Variants in PCDHGB2 observed in about 807,000 individuals in gnomAD.
PCDHGB2 encodes the protein protocadherin gamma-B2.
PCDHGB2 carries 55 observed loss-of-function variants against 59.3 expected under a neutral mutation model. That is an observed-to-expected ratio of 0.93 (90% CI 0.75 to 1.16). PCDHGB2 has a LOEUF of 1.16. Ranked by LOEUF, PCDHGB2 falls within the 50% of genes most tolerant of loss-of-function variation. The pLI is 0.00. For missense variants in PCDHGB2, 1,228 were observed against 1,198.5 expected (o/e 1.02, Z -0.36); for synonymous variants, 516 against 512.0 (o/e 1.01, Z -0.11).
chr5:141,475,984 G>C (rs1282216343), intron 1 of PCDHGB2: 1 of 1,069,308 alleles, frequency 9.4e-7, no homozygotes, highest in Non-Finnish European at 1.3e-6. Flanking sequence ...AACAGCCGGC[G>C]AGCAAATCAA....
At chr5:141,428,175 G>A (rs766332920) in intron 1 of PCDHGB2, 20 of 1,508,456 alleles carry the variant, frequency 1.3e-5, no homozygotes, top group Non-Finnish European at 1.8e-5. Flanking sequence ...GTGCGTGACG[G>A]AGGACAGCCG....
intron 1 of PCDHGB2, chr5:141,372,410 A>C: frequency 6.2e-7 from 1 of 1,613,980 alleles, no homozygotes; most frequent in South Asian, 1.1e-5. Context: ...AAGAGATACA[A>C]CCTGACCTTA....
chr5:141,415,977 C>A (rs1479258110), intron 1 of PCDHGB2: 2 of 354,488 alleles, frequency 5.6e-6, no homozygotes, highest in Non-Finnish European at 9.4e-6. Context: ...CCTTAAGCAA[C>A]CCTCTTGTTC....
chr5:141,510,709 CAGTGAGTAAGGAA>C (rs1452833908), intron 3 of PCDHGB2, among the ~76,000 whole-genome samples: 7 of 152,168 alleles, frequency 4.6e-5, no homozygotes, highest in Admixed American at 4.6e-4. Flanking sequence ...CCCAGGATCA[CAGTGAGTAAGGAA>C]AGGAGCTAGG....
chr5:141,444,238 C>T (rs1011385887), intron 1 of PCDHGB2, among the ~76,000 whole-genome samples: 6 of 125,052 alleles, frequency 4.8e-5, no homozygotes, highest in Non-Finnish European at 9.4e-5. Context: ...ATGGCATGCT[C>T]TCGGCTCACT....
intron 1 of PCDHGB2, chr5:141,418,513 G>T (rs377653202): frequency 1.1e-4 from 173 of 1,613,842 alleles, no homozygotes; most frequent in Non-Finnish European, 1.2e-4. Flanking sequence ...TAGATGGTGG[G>T]GACCCTCCCC....
At chr5:141,416,014 A>G (rs1258459397) in intron 1 of PCDHGB2, 1 of 228,504 alleles carries the variant, frequency 4.4e-6, no homozygotes, top group African/African-American at 2.3e-5. Flanking sequence ...AAGAATAGGT[A>G]AGTATCAGAA....
At chr5:141,409,039 C>A (rs2095214342) in intron 1 of PCDHGB2, 1 of 1,614,004 alleles carries the variant, frequency 6.2e-7, no homozygotes, top group Non-Finnish European at 8.5e-7. Flanking sequence ...AGATAAACTA[C>A]TACTTCCGAA....
chr5:141,415,905 C>T (rs1278855649), intron 1 of PCDHGB2: 5 of 801,160 alleles, frequency 6.2e-6, no homozygotes, highest in Non-Finnish European at 8.6e-6. Context: ...GACAGACTTC[C>T]ATACAGAAGT....
chr5:141,418,452 A>C (rs2096259372), intron 1 of PCDHGB2: 5 of 1,614,024 alleles, frequency 3.1e-6, no homozygotes, highest in Non-Finnish European at 4.2e-6. Context: ...GTATTGCAGA[A>C]GACTCTGGAC....
chr5:141,375,941 G>T, intron 1 of PCDHGB2: 1 of 1,613,580 alleles, frequency 6.2e-7, no homozygotes, highest in South Asian at 1.1e-5. Flanking sequence ...TTTCTCAGTG[G>T]GCCTGCACAC....
intron 1 of PCDHGB2, among the ~76,000 whole-genome samples, chr5:141,450,304 T>C (rs759506660): frequency 1.3e-5 from 2 of 151,906 alleles, no homozygotes; most frequent in African/African-American, 2.4e-5. Flanking sequence ...TGAGCCACCA[T>C]GTGTGGCCTA....
intron 1 of PCDHGB2, among the ~76,000 whole-genome samples, chr5:141,465,205 G>A (rs1460694369): frequency 6.6e-6 from 1 of 151,892 alleles, no homozygotes; most frequent in Admixed American, 6.6e-5. Flanking sequence ...AAAAATATAA[G>A]CTTTATTTTT....
In PCDHGB2 at chr5:141,362,558, T is replaced by G. The variant is rs1762565840; in HGVS notation, c.2421+2T>G. ...TTTGCCTCAGATACTATTTTGAAGG[T>G]GAGCTTTAATTAATTTATTTTCACT... On this transcript the variant is annotated splice_donor_variant, in intron 1 of 3. Transcript: ENST00000522605. LOFTEE classifies it high-confidence loss of function. 4 of 1,611,392 alleles carry G rather than the reference T, an allele frequency of 2.5e-6. No homozygotes were observed. The Middle Eastern group carries it at 5.0e-4, about 200-fold the overall frequency.
At chr5:141,370,847 A>G (rs372882282) in intron 1 of PCDHGB2, 2 of 1,614,046 alleles carry the variant, frequency 1.2e-6, no homozygotes, top group Non-Finnish European at 1.7e-6. Flanking sequence ...CTGGAGCCAC[A>G]TTTGCCCTGG....
intron 1 of PCDHGB2, among the ~76,000 whole-genome samples, chr5:141,459,546 C>T (rs575349914): frequency 9.9e-5 from 15 of 152,102 alleles, no homozygotes; most frequent in African/African-American, 3.6e-4. Flanking sequence ...TTTTTTATTT[C>T]TCTTGGATAA....
chr5:141,404,043 C>G (rs781644500), intron 1 of PCDHGB2: 1 of 1,613,726 alleles, frequency 6.2e-7, no homozygotes, highest in African/African-American at 1.3e-5. Flanking sequence ...CCTCAGGGAA[C>G]AGTAATTCTT....
In PCDHGB2 at chr5:141,433,837, CA is replaced by C. The variant is rs56191208; in HGVS notation, c.2422-60952del. ...GGGCAACAAGAGTGAAACTCTATCT[CA>C]AAAAAAAAAAAAAAAAACTTTATCC... On this transcript the variant is annotated intron_variant, in intron 1 of 3. Coordinates refer to ENST00000522605, the MANE Select transcript of PCDHGB2 (RefSeq NM_018923.3). Among the ~76,000 whole-genome samples, 895 of 111,670 alleles carry C rather than the reference CA, an allele frequency of 8.0e-3. 6 individuals carry two copies. Among genetic ancestry groups the C allele is most frequent in the South Asian group, 0.02 (67 of 3,288 alleles). The allele number at this position is 111,670 out of a possible 152,430, so 73.3% of individuals were successfully genotyped here. A position where few individuals can be genotyped will look rare whatever the true frequency, so the allele number is the denominator to read the frequency against.
chr5:141,481,436 T>C (rs775003998), intron 1 of PCDHGB2, among the ~76,000 whole-genome samples: 5 of 152,220 alleles, frequency 3.3e-5, no homozygotes, highest in South Asian at 2.1e-4. Flanking sequence ...ATTGTATCAG[T>C]TTAGTACATG....
Sources: gnomAD v4.1 joint callset for allele counts (sites outside exome capture counted in the v4.1 genomes callset) on GRCh38, gnomAD v4.1.1 for gene constraint, MANE v1.5 for transcripts, NCBI Gene and HGNC (gene_info 2026-07-23, HGNC 2026-07-21) for gene names.